KDM4C: variants seen among roughly 807,000 people sequenced by gnomAD.
KDM4C encodes the protein lysine-specific demethylase 4C.
A neutral mutation model predicts 129.3 loss-of-function variants in KDM4C; 81 were observed. The observed-to-expected ratio is 0.63, with a 90% CI of 0.52 to 0.75. The LOEUF (loss-of-function observed/expected upper bound fraction) is 0.75, where lower values mean the gene tolerates loss of function less well. Among genes scored for constraint, KDM4C ranks in the 30% least tolerant of loss-of-function variants. The pLI is 0.00. For synonymous variants in KDM4C, 573 were observed against 456.1 expected (o/e 1.26, Z -3.26); for missense variants, 1,457 against 1,304.0 (o/e 1.12, Z -1.81).
intron 3 of KDM4C, among the ~76,000 whole-genome samples, chr9:6,808,107 C>CGGGA (rs1183901576): frequency 1.8e-3 from 82 of 46,170 alleles, no homozygotes; most frequent in East Asian, 2.8e-3. Context: ...CCGCCCCGTC[C>CGGGA]GGGAGGTGAG....
rs745764020 is a variant in KDM4C, at chr9:6,793,047, G to C, written c.59G>C (p.Arg20Thr). 1 of 1,614,024 alleles carries C rather than the reference G, an allele frequency of 6.2e-7. No homozygotes were observed. Among genetic ancestry groups the C allele is most frequent in the Non-Finnish European group, 8.5e-7 (1 of 1,180,020 alleles). Residue 20 changes from arginine (R) to threonine (T), a missense_variant, in exon 2 of 22, where the codon AGA becomes ACA. Physicochemically the swap from Arg to Thr is moderately conservative, Grantham distance 71 (BLOSUM62 -1). Coordinates refer to ENST00000381309, the MANE Select transcript of KDM4C (RefSeq NM_015061.6). Reference protein sequence around the residue: ...LNPSCKIMTFRPSMEEFREFN... With the variant: ...LNPSCKIMTFTPSMEEFREFN... The stretch of plus-strand genomic sequence containing the variant: ...CCCAGCTGTAAGATAATGACCTTCA[G>C]ACCCTCCATGGAGGAGTTCCGGGAG...
At chr9:6,797,949 T>C (rs1372089831) in intron 2 of KDM4C, among the ~76,000 whole-genome samples, 4 of 152,206 alleles carry the variant, frequency 2.6e-5, no homozygotes, top group African/African-American at 9.7e-5. Flanking sequence ...CTTTCCCTCA[T>C]TTAGATTCAC....
At chr9:6,929,201 T>A (rs1468890725) in intron 8 of KDM4C, among the ~76,000 whole-genome samples, 2 of 152,218 alleles carry the variant, frequency 1.3e-5, no homozygotes, top group African/African-American at 4.8e-5. Flanking sequence ...CTTTCTTTCT[T>A]GTATTTGCTT....
At chr9:7,123,345 T>A (rs11789299) in intron 18 of KDM4C, among the ~76,000 whole-genome samples, 28,800 of 152,048 alleles carry the variant, frequency 0.19, 2,838 homozygotes, top group East Asian at 0.29. Flanking sequence ...TTTATTCCCT[T>A]CCGCTACCCA....
At chr9:6,936,529 T>C (rs1437124883) in intron 8 of KDM4C, among the ~76,000 whole-genome samples, 2 of 152,234 alleles carry the variant, frequency 1.3e-5, no homozygotes, top group African/African-American at 4.8e-5. Context: ...GGTAATACTA[T>C]TTTAAGATAA....
intron 8 of KDM4C, among the ~76,000 whole-genome samples, chr9:6,931,211 C>T (rs1259295998): frequency 6.6e-6 from 1 of 151,930 alleles, no homozygotes; most frequent in South Asian, 2.1e-4. Flanking sequence ...GTTTTTCTAT[C>T]TGGAGCCCCC....
intron 8 of KDM4C, among the ~76,000 whole-genome samples, chr9:6,947,117 C>A (rs951288621): frequency 1.3e-5 from 2 of 152,142 alleles, no homozygotes; most frequent in Non-Finnish European, 2.9e-5. Flanking sequence ...ATTTCTAGGT[C>A]CTTCCCAGTG....
intron 11 of KDM4C, among the ~76,000 whole-genome samples, chr9:6,987,518 A>C (rs1817941293): frequency 6.6e-6 from 1 of 152,174 alleles, no homozygotes; most frequent in Admixed American, 6.5e-5. Flanking sequence ...CAGGTGGATC[A>C]GGAAGGAGTA....
chr9:7,111,254 C>T (rs777304647), intron 18 of KDM4C, among the ~76,000 whole-genome samples: 1 of 152,054 alleles, frequency 6.6e-6, no homozygotes, highest in Non-Finnish European at 1.5e-5. Flanking sequence ...GCATCCAAAT[C>T]CAAAATGCTC....
intron 8 of KDM4C, chr9:6,942,316 T>A (rs1421442479): frequency 1.3e-5 from 2 of 152,362 alleles, no homozygotes. Context: ...TGTGTGTGTG[T>A]GTGTGTTTAA....
At chr9:6,861,016 G>C (rs1353921267) in intron 5 of KDM4C, among the ~76,000 whole-genome samples, 1 of 152,122 alleles carries the variant, frequency 6.6e-6, no homozygotes, top group Non-Finnish European at 1.5e-5. Flanking sequence ...TATTGTAAAA[G>C]CATTTCCAGC....
chr9:6,974,521 G>A (rs1448985820), intron 8 of KDM4C, among the ~76,000 whole-genome samples: 1 of 152,120 alleles, frequency 6.6e-6, no homozygotes, highest in African/African-American at 2.4e-5. Flanking sequence ...CCATGCCTGA[G>A]TAATTTTTGT....
At chr9:6,938,609 C>G (rs1484220414) in intron 8 of KDM4C, among the ~76,000 whole-genome samples, 1 of 152,198 alleles carries the variant, frequency 6.6e-6, no homozygotes, top group Non-Finnish European at 1.5e-5. Flanking sequence ...TTCATTCTCC[C>G]TGATTTTTAT....
chr9:6,782,045 G>A (rs549658497), intron 1 of KDM4C, among the ~76,000 whole-genome samples: 2 of 152,128 alleles, frequency 1.3e-5, no homozygotes, highest in Admixed American at 6.5e-5. Context: ...GGCTGGTCTC[G>A]AACTCCTGAC....
chr9:6,882,702 C>T (rs1057017925), intron 6 of KDM4C, among the ~76,000 whole-genome samples: 6 of 151,712 alleles, frequency 4.0e-5, no homozygotes, highest in African/African-American at 9.7e-5. Flanking sequence ...ATTAAAAAAG[C>T]AGTATTTAGC....
rs1017270348 is a variant in KDM4C at position 6,990,513 on chromosome 9, C to T, written c.1775C>T (p.Pro592Leu). The T allele has an allele frequency of 6.2e-7, 1 of 1,604,918 alleles. No individual in the cohort carries two copies. Among genetic ancestry groups the T allele is most frequent in the Non-Finnish European group, 8.5e-7 (1 of 1,174,670 alleles). The part of the protein sequence containing the change: ...SPMTLVKQQA[P>L]SDEELPEVLS... ...ATGACTCTTGTGAAGCAGCAGGCGCCAAGTGATGAAGGTGAGATGGTGACC... is the reference window on the plus strand; with the variant it reads ...ATGACTCTTGTGAAGCAGCAGGCGCTAAGTGATGAAGGTGAGATGGTGACC... Residue 592 changes from proline to leucine, a missense_variant, in exon 12 of 22, where the codon CCA (proline) becomes CTA (leucine). Coordinates refer to ENST00000381309, the MANE Select transcript of KDM4C (RefSeq NM_015061.6).
intron 1 of KDM4C, among the ~76,000 whole-genome samples, chr9:6,765,603 G>T (rs1464169600): frequency 6.6e-6 from 1 of 152,038 alleles, no homozygotes; most frequent in Non-Finnish European, 1.5e-5. Context: ...CTATAGTATA[G>T]GTGCTCAACG....
intron 1 of KDM4C, among the ~76,000 whole-genome samples, chr9:6,744,687 C>T (rs1335788236): frequency 6.6e-6 from 1 of 152,124 alleles, no homozygotes; most frequent in Non-Finnish European, 1.5e-5. Flanking sequence ...GAGCTGCCAC[C>T]CTCAGCCAAC....
At chr9:7,075,188 C>T (rs1183460486) in intron 17 of KDM4C, among the ~76,000 whole-genome samples, 1 of 152,146 alleles carries the variant, frequency 6.6e-6, no homozygotes, top group Non-Finnish European at 1.5e-5. Context: ...CAGAACGGAT[C>T]CCAGCGCATA....
Sources: allele counts gnomAD v4.1 joint callset (sites outside exome capture counted in the v4.1 genomes callset), GRCh38; gene constraint gnomAD v4.1.1; transcripts MANE v1.5; gene names NCBI Gene and HGNC (gene_info 2026-07-23, HGNC 2026-07-21).